The following AXIN2 variants were observed in gnomAD, a reference collection of about 807,000 sequenced individuals.
AXIN2 encodes axin 2.
Under a neutral mutation model 74.7 loss-of-function variants are expected in AXIN2, and 21 were observed. The ratio of observed to expected loss-of-function variants is 0.28; its 90% confidence interval spans 0.20 to 0.40. The LOEUF is 0.40. AXIN2 is among the 10% of genes least tolerant of loss of function. The pLI, the probability that AXIN2 is intolerant of heterozygous loss-of-function variation, is 1.00. For missense variants in AXIN2, 1,144 were observed against 1,111.1 expected, an observed-to-expected ratio of 1.03 and a Z score of -0.42; for synonymous variants, 532 against 454.9, an observed-to-expected ratio of 1.17 and a Z score of -2.16.
chr17:65,560,750 G>T (rs532895862), intron 1 of AXIN2: 4 of 151,622 alleles, frequency 2.6e-5, no homozygotes, highest in Non-Finnish European at 5.9e-5. Context: ...GAAATAGCCG[G>T]CCTGCCAACT....
chr17:65,529,727 T>C lies in AXIN2; in HGVS notation c.*249A>G, dbSNP rs1598089650. The stretch of plus-strand genomic sequence containing the variant: ...TCTCAAATACAGGCAGCATCTTCAA[T>C]AGCCAAGAGTGGTCATGTTTTTAAT... On this transcript the variant is annotated 3_prime_UTR_variant, in exon 11 of 11. Coordinates refer to ENST00000307078, the MANE Select transcript of AXIN2 (RefSeq NM_004655.4). 1 of 542,786 alleles carries C rather than the reference T, an allele frequency of 1.8e-6. No individual in the cohort carries two copies. The highest frequency in any genetic ancestry group is 3.2e-5 in the East Asian group (1 of 30,808). 33.6% of individuals were successfully genotyped at this position (542,786 alleles called of 1,614,324 possible). A position where few individuals can be genotyped will look rare whatever the true frequency, so the allele number is the denominator to read the frequency against.
intron 1 of AXIN2, chr17:65,560,088 C>T (rs2044340742): frequency 6.6e-6 from 1 of 152,470 alleles, no homozygotes; most frequent in Admixed American, 6.5e-5. Context: ...CCGGGACACG[C>T]CAGCAGCGCC....
chr17:65,560,739 C>G (rs1205580561), intron 1 of AXIN2: 7 of 151,826 alleles, frequency 4.6e-5, no homozygotes, highest in Non-Finnish European at 8.8e-5. Flanking sequence ...TAGCGCGCCC[C>G]GAAATAGCCG....
chr17:65,536,188 A>C, intron 8 of AXIN2, 132 bp downstream of exon 8: 1 of 930,592 alleles, frequency 1.1e-6, no homozygotes. Flanking sequence ...TTACTCATCC[A>C]TAAGTAATTC....
rs544385957 is a variant in AXIN2, at chr17:65,558,756, G to A, written c.-116-20C>T. 32 of 878,198 alleles carry A rather than the reference G, an allele frequency of 3.6e-5. No individual in the cohort carries two copies. The African/African-American group carries it at 4.8e-4, about 13-fold the overall frequency. 54.4% of individuals were successfully genotyped at this position (878,198 alleles called of 1,614,324 possible). On this transcript the variant is annotated intron_variant, in intron 1 of 10. Transcript: ENST00000307078. ...TCCTCTCTGGAAAGAAAAGGAAGGG[G>A]GGAGGTGGGGAGAGAGAAAAGGGTA...
At position 65,535,687 on chromosome 17, in the gene AXIN2, G is replaced by A. The variant is rs2144433529; in HGVS notation, c.2176C>T (p.His726Tyr). 1 of 1,614,204 alleles carries A rather than the reference G, an allele frequency of 6.2e-7. No individual in the cohort carries two copies. Among genetic ancestry groups the A allele is most frequent in the Non-Finnish European group, 8.5e-7 (1 of 1,180,038 alleles). The change falls in exon 9 of 11, where the codon CAT becomes TAT. Residue 726 changes from histidine (H) to tyrosine (Y), a missense_variant. Coordinates refer to ENST00000307078, the MANE Select transcript of AXIN2 (RefSeq NM_004655.4). ...CVASQQRDRN[H>Y]SATVQTGATP... Reference sequence around the variant, plus strand: ...GCTCCCGTCTGAACAGTGGCCGAATGATTCCTGTCCCTCTGCTGACTGGCC... The same window carrying A: ...GCTCCCGTCTGAACAGTGGCCGAATAATTCCTGTCCCTCTGCTGACTGGCC...
rs1425302866 is a variant in AXIN2 at position 65,557,943 on chromosome 17, G to T, written c.678C>A (p.Pro226=). 4 of 1,614,032 alleles carry T rather than the reference G, an allele frequency of 2.5e-6. No homozygotes were observed. In the South Asian group the frequency reaches 3.3e-5, roughly 13 times the overall value. The change falls in exon 2 of 11, where the codon CCC becomes CCA. Residue 226 remains proline (P), a synonymous_variant. Transcript: ENST00000307078. The stretch of plus-strand genomic sequence containing the variant: ...TCCACTCCTCTTCTTCATTCAAGGT[G>T]GGGAGATAGCCACACACGACCTTTA... ...GSLKVVCGYL[P]TLNEEEEWTC...
intron 10 of AXIN2, among the ~76,000 whole-genome samples, chr17:65,533,430 T>C (rs1226211441): frequency 6.6e-6 from 1 of 152,188 alleles, no homozygotes; most frequent in East Asian, 1.9e-4. Context: ...CTAGGCATGG[T>C]TCCTGACTAT....
chr17:65,536,828 C>A, intron 7 of AXIN2, 41 bp downstream of exon 7: 1 of 1,611,556 alleles, frequency 6.2e-7, no homozygotes, highest in South Asian at 1.1e-5. Context: ...TACTGAGTGC[C>A]CATGACCCTC....
intron 5 of AXIN2, 53 bp from the exon 6 acceptor site, chr17:65,537,888 A>G: frequency 6.7e-7 from 1 of 1,497,040 alleles, no homozygotes; most frequent in Non-Finnish European, 8.9e-7. Flanking sequence ...GAAGGGCCAG[A>G]GGCCCTGGGG....
At chr17:65,560,177 C>G (rs982840589) in intron 1 of AXIN2, 21 of 152,352 alleles carry the variant, frequency 1.4e-4, no homozygotes, top group African/African-American at 5.1e-4. Context: ...AAGCAGCAGC[C>G]TAGTCCAGAA....
At chr17:65,549,170 C>T (rs1005448890) in intron 3 of AXIN2, among the ~76,000 whole-genome samples, 9 of 152,210 alleles carry the variant, frequency 5.9e-5, no homozygotes, top group African/African-American at 1.9e-4. Context: ...ACCAGCCAAG[C>T]AACTGTTCCC....
At chr17:65,538,092 CATGCAA>C in intron 5 of AXIN2, 105 bp downstream of exon 5, 1 of 1,575,076 alleles carries the variant, frequency 6.3e-7, no homozygotes, top group Non-Finnish European at 8.6e-7. Flanking sequence ...CGCGCATGCG[CATGCAA>C]CCCACGCACA....
chr17:65,535,816 G>A (rs2043902791), intron 8 of AXIN2, 95 bp from the exon 9 acceptor site: 2 of 1,162,256 alleles, frequency 1.7e-6, no homozygotes, highest in South Asian at 1.3e-5. Flanking sequence ...GCCTCCTGAA[G>A]AGACACGAAC....
chr17:65,556,487 CTG>C (rs2044268721), intron 2 of AXIN2, among the ~76,000 whole-genome samples: 1 of 152,214 alleles, frequency 6.6e-6, no homozygotes, highest in South Asian at 2.1e-4. Context: ...TCCCTGGAAC[CTG>C]TGTTTCCTTG....
Position 65,537,810 on chromosome 17 carries a change from A to C in AXIN2, c.1226T>G (p.Leu409Arg). The change falls in exon 6 of 11, where the codon CTC becomes CGC. Residue 409 changes from leucine to arginine, a missense_variant. By Grantham distance (102) the Leu-to-Arg change is moderately radical (BLOSUM62 -2). Coordinates refer to ENST00000307078, the MANE Select transcript of AXIN2 (RefSeq NM_004655.4). ...CGCCCCCTCCCGCGAATTGAGTGTG[A>C]GCTCGGAGCCCTCTCTCTCTTCATC... ...REDEEREGSE[L>R]TLNSREGAPT... 1 of 1,576,074 alleles carries C rather than the reference A, an allele frequency of 6.3e-7. No individual in the cohort carries two copies. The highest frequency in any genetic ancestry group is 8.6e-7 in the Non-Finnish European group (1 of 1,162,058).
At chr17:65,546,572 T>C (rs1260913854) in intron 3 of AXIN2, among the ~76,000 whole-genome samples, 1 of 152,170 alleles carries the variant, frequency 6.6e-6, no homozygotes, top group Non-Finnish European at 1.5e-5. Context: ...TGATGTTTTC[T>C]AGTGAGCCCC....
Position 65,558,734 on chromosome 17 carries a change from T to A in AXIN2, c.-114A>T. The A allele has an allele frequency of 9.1e-7, 1 of 1,102,704 alleles. No individual in the cohort carries two copies. The highest frequency in any genetic ancestry group is 1.3e-6 in the Non-Finnish European group (1 of 753,748). The allele number at this position is 1,102,704 out of a possible 1,614,324, so 68.3% of individuals were successfully genotyped here. ...TCAGCAGGGGCTCATCTGAACCTCC[T>A]CTCTGGAAAGAAAAGGAAGGGGGGA... On this transcript the variant is annotated splice_region_variant and 5_prime_UTR_variant, in exon 2 of 11. Coordinates refer to ENST00000307078, the MANE Select transcript of AXIN2 (RefSeq NM_004655.4).
intron 5 of AXIN2, 124 bp downstream of exon 5, chr17:65,538,079 C>T: frequency 6.5e-7 from 1 of 1,539,968 alleles, no homozygotes; most frequent in Non-Finnish European, 8.8e-7. Flanking sequence ...CACACGCAGC[C>T]CACGCGCATG....
Sources: allele counts gnomAD v4.1 joint callset (sites outside exome capture counted in the v4.1 genomes callset), GRCh38; gene constraint gnomAD v4.1.1; transcripts MANE v1.5; gene names NCBI Gene and HGNC (gene_info 2026-07-23, HGNC 2026-07-21).